The following GLIPR1L2 variants were observed in gnomAD, a reference collection of about 807,000 sequenced individuals.
GLIPR1L2 encodes GLIPR1 like 2, also known as GLIPR1-like protein 2.
A neutral mutation model predicts 28.4 loss-of-function variants in GLIPR1L2; 21 were observed. The ratio of observed to expected loss-of-function variants is 0.74; its 90% confidence interval spans 0.52 to 1.06. GLIPR1L2 has a LOEUF of 1.06. GLIPR1L2 is among the 50% of genes least tolerant of loss of function. The probability of loss-of-function intolerance (pLI) is 0.00; values close to 1 mark genes in which losing one functional copy is unlikely to be tolerated. For synonymous variants in GLIPR1L2, 145 were observed against 139.3 expected (o/e 1.04, Z -0.29); for missense variants, 476 against 416.9 (o/e 1.14, Z -1.23).
intron 1 of GLIPR1L2, among the ~76,000 whole-genome samples, chr12:75,405,237 G>C (rs2139932670): frequency 6.6e-6 from 1 of 152,268 alleles, no homozygotes; most frequent in Non-Finnish European, 1.5e-5. Flanking sequence ...TGAGAAAGAA[G>C]AAAATTTAGG....
At chr12:75,406,789 AAGAGAG>A (rs932075687) in intron 1 of GLIPR1L2, among the ~76,000 whole-genome samples, 1 of 147,840 alleles carries the variant, frequency 6.8e-6, no homozygotes, top group Non-Finnish European at 1.5e-5. Context: ...GAGAGAGAGA[AAGAGAG>A]AGAGAGATGC....
At chr12:75,408,536 A>G (rs1015510341) in intron 1 of GLIPR1L2, among the ~76,000 whole-genome samples, 37 of 152,084 alleles carry the variant, frequency 2.4e-4, no homozygotes, top group African/African-American at 8.4e-4. Flanking sequence ...AGTAAGAATG[A>G]GGTATGTGAA....
intron 1 of GLIPR1L2, among the ~76,000 whole-genome samples, chr12:75,406,221 A>C (rs1422510173): frequency 2.0e-5 from 3 of 152,090 alleles, no homozygotes; most frequent in African/African-American, 7.2e-5. Flanking sequence ...AGATTGCTTA[A>C]GTATTGTTTC....
chr12:75,398,324 A>G (rs61932179), intron 1 of GLIPR1L2, among the ~76,000 whole-genome samples: 24,546 of 109,976 alleles, frequency 0.22, 2,694 homozygotes, highest in African/African-American at 0.32. Context: ...ATGAGACTCC[A>G]TCTCAAAAAA....
At position 75,432,198 on chromosome 12, in the gene GLIPR1L2, C is replaced by G. The variant is rs1594038403; in HGVS notation, c.*1037C>G. 1 of 152,128 alleles carries G rather than the reference C, an allele frequency of 6.6e-6. No individual in the cohort carries two copies. The highest frequency in any genetic ancestry group is 2.4e-5 in the African/African-American group (1 of 41,440). The allele number at this position is 152,128 out of a possible 1,614,324, so 9.4% of individuals were successfully genotyped here. On this transcript the variant is annotated 3_prime_UTR_variant, in exon 6 of 6. Transcript: ENST00000550916. ...GCAAAATAATAAATACCTTTTATTA[C>G]TCAATTTTAAAATAGGCAAAAAGCA...
intron 1 of GLIPR1L2, among the ~76,000 whole-genome samples, chr12:75,399,682 T>G (rs1427753275): frequency 1.3e-5 from 2 of 152,230 alleles, no homozygotes; most frequent in Non-Finnish European, 2.9e-5. Context: ...GTTTGTCAGT[T>G]TTTTAAATCT....
intron 1 of GLIPR1L2, among the ~76,000 whole-genome samples, chr12:75,404,200 GTCTC>G (rs373160296): frequency 2.0e-5 from 3 of 152,030 alleles, no homozygotes; most frequent in African/African-American, 2.4e-5. Flanking sequence ...CTCTATATAT[GTCTC>G]TCTCTGTGTG....
At position 75,431,652 on chromosome 12, in the gene GLIPR1L2, T is replaced by G. The variant is rs1031789219; in HGVS notation, c.*491T>G. 1 of 152,580 alleles carries G rather than the reference T, an allele frequency of 6.6e-6. No homozygotes were observed. Among genetic ancestry groups the G allele is most frequent in the African/African-American group, 2.4e-5 (1 of 41,452 alleles). The allele number at this position is 152,580 out of a possible 1,614,324, so 9.5% of individuals were successfully genotyped here. On this transcript the variant is annotated 3_prime_UTR_variant, in exon 6 of 6. Coordinates refer to ENST00000550916, the MANE Select transcript of GLIPR1L2 (RefSeq NM_001270396.2). ...GGTATTTTCATGTGATATTAAGGTA[T>G]CTAATATTATTATTTGTCTTTGTGG... is the stretch of plus-strand genomic sequence containing the variant.
In GLIPR1L2 at chr12:75,422,961, A is replaced by G. The variant is rs752494323; in HGVS notation, c.642A>G (p.Arg214=). The change falls in exon 4 of 6, where the codon AGA becomes AGG. Residue 214 remains arginine (R), a synonymous_variant. Transcript: ENST00000550916. ...EPGIFCTRCG[R]RDKCTDFLCS... Reference sequence around the variant, plus strand: ...GAATATTTTGTACTCGATGTGGCAGACGTGACAAATGCACAGATTTTCTAT... The same window carrying G: ...GAATATTTTGTACTCGATGTGGCAGGCGTGACAAATGCACAGATTTTCTAT... The G allele has an allele frequency of 6.2e-7, 1 of 1,613,446 alleles. No homozygotes were observed. Among genetic ancestry groups the G allele is most frequent in the Non-Finnish European group, 8.5e-7 (1 of 1,179,690 alleles).
Position 75,430,937 on chromosome 12 carries a change from G to A in GLIPR1L2, c.811G>A (p.Val271Ile). Residue 271 changes from valine (V) to isoleucine (I), a missense_variant, in exon 6 of 6, where the codon GTT (valine) becomes ATT (isoleucine). Coordinates refer to ENST00000550916, the MANE Select transcript of GLIPR1L2 (RefSeq NM_001270396.2). ...ATGTTTTATCCTGTGTGTCATAACT[G>A]TTTTGATAGTACAGTCTCAGTTTCC... The part of the protein sequence containing the change: ...ILCFILCVIT[V>I]LIVQSQFPNI... 6.5e-7 allele frequency: 1 copy of A among 1,535,656 alleles called. No individual in the cohort carries two copies. Among genetic ancestry groups the A allele is most frequent in the South Asian group, 1.2e-5 (1 of 84,046 alleles).
chr12:75,412,227 T>G (rs1473365561), intron 2 of GLIPR1L2, among the ~76,000 whole-genome samples: 1 of 152,024 alleles, frequency 6.6e-6, no homozygotes, highest in Non-Finnish European at 1.5e-5. Context: ...CCTAGAACTT[T>G]CCAATTCAAC....
intron 3 of GLIPR1L2, among the ~76,000 whole-genome samples, chr12:75,420,462 T>A (rs983761242): frequency 1.3e-5 from 2 of 152,174 alleles, no homozygotes; most frequent in Non-Finnish European, 2.9e-5. Context: ...CATGTCCTTA[T>A]CTAGGATCTG....
At chr12:75,399,983 C>A (rs1594001228) in intron 1 of GLIPR1L2, among the ~76,000 whole-genome samples, 1 of 152,128 alleles carries the variant, frequency 6.6e-6, no homozygotes, top group Non-Finnish European at 1.5e-5. Context: ...ACTGTACCAT[C>A]ATTTAATATT....
chr12:75,401,158 A>C (rs2045737116), intron 1 of GLIPR1L2, among the ~76,000 whole-genome samples: 1 of 151,816 alleles, frequency 6.6e-6, no homozygotes, highest in Non-Finnish European at 1.5e-5. Flanking sequence ...CTTTTAAAAA[A>C]CTGTAAACAT....
intron 3 of GLIPR1L2, among the ~76,000 whole-genome samples, chr12:75,421,842 G>C (rs1040881511): frequency 3.3e-5 from 5 of 151,988 alleles, no homozygotes; most frequent in African/African-American, 4.8e-5. Flanking sequence ...TGATGCAGAT[G>C]AGTCTTTGGG....
chr12:75,415,598 T>A (rs779487907), intron 3 of GLIPR1L2, among the ~76,000 whole-genome samples: 12 of 152,120 alleles, frequency 7.9e-5, no homozygotes, highest in Non-Finnish European at 1.5e-4. Flanking sequence ...AGATGTTGAC[T>A]AAGTATTCAC....
rs111890424 is a variant in GLIPR1L2, at chr12:75,429,092, A to T, written c.671-1623A>T. ...CACTGCATAATAGAGCTGTGAGAAG[A>T]GGGCCACCATCCTCCAGATCCCAGA... On this transcript the variant is annotated intron_variant, in intron 4 of 5. Coordinates refer to ENST00000550916, the MANE Select transcript of GLIPR1L2 (RefSeq NM_001270396.2). 2.6e-3 allele frequency among the ~76,000 whole-genome samples: 402 copies of T among 152,274 alleles called. 1 individual carries two copies. Among genetic ancestry groups the T allele is most frequent in the African/African-American group, 8.7e-3 (363 of 41,554 alleles).
At chr12:75,422,577 C>G (rs574302463) in intron 3 of GLIPR1L2, among the ~76,000 whole-genome samples, 1 of 152,174 alleles carries the variant, frequency 6.6e-6, no homozygotes, top group African/African-American at 2.4e-5. Flanking sequence ...GCTGGGATTA[C>G]GGGCATGAGC....
chr12:75,431,126 A>G lies in GLIPR1L2; in HGVS notation c.1000A>G (p.Thr334Ala), dbSNP rs987414446. 4 of 917,468 alleles carry G rather than the reference A, an allele frequency of 4.4e-6. No homozygotes were observed. In the African/African-American group the frequency reaches 6.7e-5, roughly 15 times the overall value. The allele number at this position is 917,468 out of a possible 1,614,324, so 56.8% of individuals were successfully genotyped here. A position where few individuals can be genotyped will look rare whatever the true frequency, so the allele number is the denominator to read the frequency against. ...KEEREEEEEE[T>A]QKEKMEEEEK The stretch of plus-strand genomic sequence containing the variant: ...AGAGAGAGAGGAGGAGGAGGAGGAA[A>G]CACAAAAAGAAAAGATGGAGGAAGA... The change falls in exon 6 of 6, where the codon ACA (threonine) becomes GCA (alanine). Residue 334 changes from threonine (T) to alanine (A), a missense_variant. By Grantham distance (58) the Thr-to-Ala change is moderately conservative (BLOSUM62 0). Transcript: ENST00000550916.
Sources: allele counts gnomAD v4.1 joint callset (sites outside exome capture counted in the v4.1 genomes callset), GRCh38; gene constraint gnomAD v4.1.1; transcripts MANE v1.5; gene names NCBI Gene and HGNC (gene_info 2026-07-23, HGNC 2026-07-21).